The following PAPPA2 variants were observed in gnomAD, a reference collection of about 807,000 sequenced individuals.
The protein encoded by PAPPA2 is pappalysin-2.
A neutral mutation model predicts 176.4 loss-of-function variants in PAPPA2; 86 were observed. That is an observed-to-expected ratio of 0.49 (90% CI 0.41 to 0.58). The LOEUF (loss-of-function observed/expected upper bound fraction) is 0.58. Among genes scored for constraint, PAPPA2 ranks in the 20% least tolerant of loss-of-function variants. The pLI, the probability that PAPPA2 is intolerant of heterozygous loss-of-function variation, is 0.00. For synonymous variants in PAPPA2, 809 were observed against 852.2 expected (o/e 0.95, Z 0.88); for missense variants, 2,073 against 2,256.9 (o/e 0.92, Z 1.65).
chr1:176,793,095 T>C (rs183523170), intron 19 of PAPPA2, among the ~76,000 whole-genome samples: 2 of 152,306 alleles, frequency 1.3e-5, no homozygotes, highest in African/African-American at 4.8e-5. Flanking sequence ...ACCACCAGCA[T>C]GTCAAGTTCT....
At chr1:176,795,289 C>T (rs1453824978) in intron 20 of PAPPA2, among the ~76,000 whole-genome samples, 1 of 152,142 alleles carries the variant, frequency 6.6e-6, no homozygotes, top group Non-Finnish European at 1.5e-5. Flanking sequence ...ATACCTTCTC[C>T]TTCACCCCCG....
At chr1:176,494,873 A>T (rs1243057369) in intron 1 of PAPPA2, among the ~76,000 whole-genome samples, 1 of 152,248 alleles carries the variant, frequency 6.6e-6, no homozygotes, top group Non-Finnish European at 1.5e-5. Flanking sequence ...TGTAAATTTC[A>T]GCAACAGATT....
intron 17 of PAPPA2, among the ~76,000 whole-genome samples, chr1:176,777,282 A>G (rs1664498969): frequency 6.6e-6 from 1 of 152,200 alleles, no homozygotes; most frequent in Non-Finnish European, 1.5e-5. Context: ...ACATGGACTT[A>G]GTAGACAGTA....
chr1:176,772,852 T>C (rs1664296027), intron 17 of PAPPA2, among the ~76,000 whole-genome samples: 1 of 152,164 alleles, frequency 6.6e-6, no homozygotes, highest in Non-Finnish European at 1.5e-5. Flanking sequence ...TTTTCTTGCT[T>C]TTTTTCTCTC....
intron 14 of PAPPA2, among the ~76,000 whole-genome samples, chr1:176,752,109 G>A (rs1383371731): frequency 6.1e-5 from 8 of 131,036 alleles, no homozygotes; most frequent in African/African-American, 2.4e-4. Flanking sequence ...ATCAAACACC[G>A]CATATTCTCA....
chr1:176,481,095 G>A (rs977504732), intron 1 of PAPPA2, among the ~76,000 whole-genome samples: 10 of 152,170 alleles, frequency 6.6e-5, no homozygotes. Flanking sequence ...AAATAAGTTT[G>A]AACGTAAAGT....
rs116070101 is a variant in PAPPA2, at chr1:176,487,576, C to T, written c.-917+24158C>T. 5.1e-3 allele frequency among the ~76,000 whole-genome samples: 780 copies of T among 152,228 alleles called. 5 individuals carry two copies. The highest frequency in any genetic ancestry group is 0.018 in the African/African-American group (740 of 41,520). On this transcript the variant is annotated intron_variant, in intron 1 of 22. Coordinates refer to ENST00000367662, the MANE Select transcript of PAPPA2 (RefSeq NM_020318.3). ...GTCAGTATTGATGGAATAAACATGG[C>T]CTGTTCTGCAACAGCTAGACCTGGT...
chr1:176,611,538 A>T (rs766135721), intron 3 of PAPPA2, among the ~76,000 whole-genome samples: 1 of 152,204 alleles, frequency 6.6e-6, no homozygotes, highest in Non-Finnish European at 1.5e-5. Context: ...TAATTCTGTC[A>T]TATTTGTACC....
At chr1:176,828,410 G>A (rs180915670) in intron 21 of PAPPA2, among the ~76,000 whole-genome samples, 33 of 151,862 alleles carry the variant, frequency 2.2e-4, no homozygotes, top group African/African-American at 6.0e-4. Flanking sequence ...TCCTTATACC[G>A]GAAGGTTTCA....
chr1:176,644,584 G>A (rs552241451), intron 3 of PAPPA2, among the ~76,000 whole-genome samples: 1 of 151,846 alleles, frequency 6.6e-6, no homozygotes, highest in South Asian at 2.1e-4. Flanking sequence ...TATCATTAGA[G>A]GCAATATGGC....
chr1:176,593,981 A>G (rs540433960), intron 2 of PAPPA2, among the ~76,000 whole-genome samples: 2 of 152,290 alleles, frequency 1.3e-5, no homozygotes, highest in South Asian at 4.1e-4. Context: ...GATGTCTGGG[A>G]TGTTACCATC....
intron 3 of PAPPA2, among the ~76,000 whole-genome samples, chr1:176,631,026 A>G (rs1656307128): frequency 1.3e-5 from 2 of 152,178 alleles, no homozygotes; most frequent in Admixed American, 6.5e-5. Flanking sequence ...GAATCTGAAC[A>G]CCAGACAGTT....
At chr1:176,623,821 C>CTTTCTTTCTTTCT (rs1341133601) in intron 3 of PAPPA2, among the ~76,000 whole-genome samples, 1 of 48,112 alleles carries the variant, frequency 2.1e-5, no homozygotes, top group Non-Finnish European at 4.1e-5. Context: ...TTTCTTTCTT[C>CTTTCTTTCTTTCT]TCTCTCTCTC....
chr1:176,531,117 G>C (rs1255864762), intron 1 of PAPPA2, among the ~76,000 whole-genome samples: 1 of 152,202 alleles, frequency 6.6e-6, no homozygotes, highest in Non-Finnish European at 1.5e-5. Context: ...TATTTGCCAA[G>C]CAAATATGGA....
chr1:176,569,781 A>G (rs987329812), intron 2 of PAPPA2, among the ~76,000 whole-genome samples: 6 of 152,208 alleles, frequency 3.9e-5, no homozygotes, highest in Non-Finnish European at 7.3e-5. Flanking sequence ...TAAGAAGATG[A>G]AGGATGAACT....
At chr1:176,486,570 A>G (rs1406613796) in intron 1 of PAPPA2, among the ~76,000 whole-genome samples, 1 of 152,230 alleles carries the variant, frequency 6.6e-6, no homozygotes, top group East Asian at 1.9e-4. Context: ...TCACAAAGAA[A>G]GTGGCATTTG....
At chr1:176,676,472 A>G (rs145132239) in intron 4 of PAPPA2, among the ~76,000 whole-genome samples, 160 of 152,186 alleles carry the variant, frequency 1.1e-3, no homozygotes, top group African/African-American at 3.7e-3. Flanking sequence ...AAAAAAGCCA[A>G]TCTCAAAACT....
At chr1:176,596,281 A>G (rs1046147602) in intron 3 of PAPPA2, among the ~76,000 whole-genome samples, 9 of 152,138 alleles carry the variant, frequency 5.9e-5, no homozygotes, top group Non-Finnish European at 1.0e-4. Context: ...TACCTGATAC[A>G]CAGCCTCTTA....
intron 1 of PAPPA2, among the ~76,000 whole-genome samples, chr1:176,540,285 C>G (rs1650299502): frequency 6.6e-6 from 1 of 152,200 alleles, no homozygotes; most frequent in South Asian, 2.1e-4. Flanking sequence ...ACTGGGGCTA[C>G]CTACATAAGC....
Sources: gnomAD v4.1 joint callset for allele counts (sites outside exome capture counted in the v4.1 genomes callset) on GRCh38, gnomAD v4.1.1 for gene constraint, MANE v1.5 for transcripts, NCBI Gene and HGNC (gene_info 2026-07-23, HGNC 2026-07-21) for gene names.